Variants in SUGCT observed in about 807,000 individuals in gnomAD.
The protein encoded by SUGCT is succinyl-CoA:glutarate-CoA transferase, also known as succinyl-CoA:glutarate CoA-transferase.
In SUGCT, 41 loss-of-function variants were observed where a neutral mutation model predicts 55.0. The ratio of observed to expected loss-of-function variants is 0.74; its 90% CI spans 0.58 to 0.97. The LOEUF is 0.97. SUGCT is among the 50% of genes least tolerant of loss of function. The pLI, the probability that SUGCT is intolerant of heterozygous loss-of-function variation, is 0.00. For synonymous variants in SUGCT, 187 were observed against 200.4 expected (o/e 0.93, Z 0.56); for missense variants, 568 against 547.8 (o/e 1.04, Z -0.37).
the SUGCT span, among the ~76,000 whole-genome samples, chr7:41,006,447 C>CT: frequency 0.081 from 12,236 of 151,908 alleles, 972 homozygotes; most frequent in African/African-American, 0.2. Context: ...ATACCTTGCC[C>CT]TTTTTTTTAT....
At chr7:40,673,244 A>G (rs952755940) in intron 12 of SUGCT, among the ~76,000 whole-genome samples, 3 of 152,030 alleles carry the variant, frequency 2.0e-5, no homozygotes, top group East Asian at 3.9e-4. Flanking sequence ...TCTTTCTTCT[A>G]TGTATCAGGA....
At chr7:40,557,385 A>G (rs577960550) in intron 12 of SUGCT, among the ~76,000 whole-genome samples, 132 of 152,344 alleles carry the variant, frequency 8.7e-4, no homozygotes, top group South Asian at 1.9e-3. Flanking sequence ...GGATTTGGCA[A>G]TGATTTCTTG....
chr7:40,218,279 AT>A (rs1787790264), intron 6 of SUGCT, among the ~76,000 whole-genome samples: 1 of 152,176 alleles, frequency 6.6e-6, no homozygotes, highest in Non-Finnish European at 1.5e-5. Flanking sequence ...CAAAATTATT[AT>A]TTGCTCATTG....
chr7:40,286,589 A>G (rs1344322752), intron 8 of SUGCT, among the ~76,000 whole-genome samples: 1 of 152,206 alleles, frequency 6.6e-6, no homozygotes, highest in Admixed American at 6.5e-5. Context: ...GGGTAGACAT[A>G]GTAGTGGTTA....
In SUGCT at chr7:40,245,422, TA is replaced by T. The variant is rs199825618; in HGVS notation, c.576+7697del. On this transcript the variant is annotated intron_variant, in intron 7 of 13. Coordinates refer to ENST00000335693, the MANE Select transcript of SUGCT (RefSeq NM_001193313.2). Reference sequence around the variant, plus strand: ...TAGTAGACATATATATATATATATATATTTTTTTTTTTTTTTTTTTTTTTTT... The same window carrying T: ...TAGTAGACATATATATATATATATATTTTTTTTTTTTTTTTTTTTTTTTTT... Among the ~76,000 whole-genome samples, 10 of 12,572 alleles carry T rather than the reference TA, an allele frequency of 8.0e-4. 1 individual carries two copies. Among genetic ancestry groups the T allele is most frequent in the East Asian group, 4.9e-3 (1 of 206 alleles). 8.2% of individuals were successfully genotyped at this position (12,572 alleles called of 152,430 possible).
chr7:40,247,092 C>G (rs769907103), intron 7 of SUGCT, among the ~76,000 whole-genome samples: 2 of 152,032 alleles, frequency 1.3e-5, no homozygotes, highest in African/African-American at 4.8e-5. Flanking sequence ...GTTTGACATG[C>G]GTATTGATTT....
intron 9 of SUGCT, among the ~76,000 whole-genome samples, chr7:40,384,299 T>G (rs925735819): frequency 6.6e-6 from 1 of 152,002 alleles, no homozygotes; most frequent in Admixed American, 6.6e-5. Context: ...CATCAGGGAG[T>G]AAGTATGATG....
At chr7:40,482,097 A>G (rs1791084240) in intron 11 of SUGCT, among the ~76,000 whole-genome samples, 1 of 152,202 alleles carries the variant, frequency 6.6e-6, no homozygotes, top group South Asian at 2.1e-4. Context: ...CTTTCCAAGA[A>G]TGGATTGTAG....
At chr7:40,680,465 T>A (rs1784185322) in intron 12 of SUGCT, among the ~76,000 whole-genome samples, 1 of 152,068 alleles carries the variant, frequency 6.6e-6, no homozygotes, top group Admixed American at 6.6e-5. Context: ...GTAGACCAAA[T>A]GTTTAAGAAA....
the SUGCT span, among the ~76,000 whole-genome samples, chr7:40,897,296 G>T: frequency 6.6e-6 from 1 of 152,268 alleles, no homozygotes; most frequent in East Asian, 1.9e-4. Flanking sequence ...ATTGGGCAAA[G>T]ACTTTTTTGG....
chr7:40,949,041 C>T, the SUGCT span, among the ~76,000 whole-genome samples: 1 of 152,208 alleles, frequency 6.6e-6, no homozygotes, highest in Non-Finnish European at 1.5e-5. Context: ...CTGTCTTCCA[C>T]TATGGTTGAA....
intron 13 of SUGCT, among the ~76,000 whole-genome samples, chr7:40,855,506 A>AT (rs112438811): frequency 0.13 from 19,926 of 147,776 alleles, 1,387 homozygotes; most frequent in Middle Eastern, 0.24. Context: ...TTTAAATTGC[A>AT]TTTTTTTTTT....
At chr7:40,492,159 A>G (rs1249332841) in intron 11 of SUGCT, among the ~76,000 whole-genome samples, 1 of 152,162 alleles carries the variant, frequency 6.6e-6, no homozygotes, top group Non-Finnish European at 1.5e-5. Flanking sequence ...AGACCTTTCG[A>G]GACTGGGTAA....
At chr7:40,879,769 G>C in the SUGCT span, among the ~76,000 whole-genome samples, 31,663 of 152,232 alleles carry the variant, frequency 0.21, 3,679 homozygotes, top group Admixed American at 0.27. Flanking sequence ...CACACTGTCT[G>C]CAGTTGGGCA....
intron 6 of SUGCT, among the ~76,000 whole-genome samples, chr7:40,198,009 T>C (rs755313071): frequency 1.3e-5 from 2 of 152,186 alleles, no homozygotes; most frequent in Non-Finnish European, 2.9e-5. Context: ...TGAAATGGCA[T>C]TGGAGATAGA....
At chr7:40,929,918 A>G in the SUGCT span, among the ~76,000 whole-genome samples, 1 of 152,082 alleles carries the variant, frequency 6.6e-6, no homozygotes, top group Non-Finnish European at 1.5e-5. Flanking sequence ...GAAGCTCTTT[A>G]GTTTAATTAG....
Position 40,200,438 on chromosome 7 carries a change from T to TG in SUGCT, c.484+5379dup, listed in dbSNP as rs34659575. Among the ~76,000 whole-genome samples, 1,267 of 151,654 alleles carry TG rather than the reference T, an allele frequency of 8.4e-3. 27 individuals carry two copies. Among genetic ancestry groups the TG allele is most frequent in the African/African-American group, 0.029 (1,181 of 41,232 alleles). ...GGGCTTGTCAGGGAAGGTTTTTTTT[T>TG]GAGGGGGGTAACATTTAAGAGACCT... On this transcript the variant is annotated intron_variant, in intron 6 of 13. Transcript: ENST00000335693.
At chr7:40,367,635 A>G (rs1784066341) in intron 9 of SUGCT, among the ~76,000 whole-genome samples, 1 of 152,172 alleles carries the variant, frequency 6.6e-6, no homozygotes, top group African/African-American at 2.4e-5. Flanking sequence ...GAGCAAAAAG[A>G]AATATAATAG....
chr7:40,577,859 T>C (rs369081247), intron 12 of SUGCT, among the ~76,000 whole-genome samples: 39 of 152,236 alleles, frequency 2.6e-4, no homozygotes, highest in African/African-American at 9.2e-4. Flanking sequence ...GTTTAAAAAC[T>C]ATAAACATTT....
Sources: gnomAD v4.1 joint callset for allele counts (sites outside exome capture counted in the v4.1 genomes callset) on GRCh38, gnomAD v4.1.1 for gene constraint, MANE v1.5 for transcripts, NCBI Gene and HGNC (gene_info 2026-07-23, HGNC 2026-07-21) for gene names.